FRMD4B: variants seen among roughly 807,000 people sequenced by gnomAD.
FRMD4B encodes the protein FERM domain containing 4B, also known as FERM domain-containing protein 4B.
A neutral mutation model predicts 141.5 loss-of-function variants in FRMD4B; 74 were observed. The observed-to-expected ratio is 0.52, with a 90% CI of 0.43 to 0.63. FRMD4B has a LOEUF of 0.63. FRMD4B is among the 30% of genes least tolerant of loss of function. FRMD4B has a pLI of 0.00. For synonymous variants in FRMD4B, 506 were observed against 467.9 expected (o/e 1.08, Z -1.05); for missense variants, 1,366 against 1,253.4 (o/e 1.09, Z -1.36).
At chr3:69,348,665 C>T (rs1703031370) in intron 1 of FRMD4B, among the ~76,000 whole-genome samples, 1 of 152,190 alleles carries the variant, frequency 6.6e-6, no homozygotes, top group African/African-American at 2.4e-5. Flanking sequence ...CCCCGGGATG[C>T]AAGGCTGGTA....
chr3:69,500,424 C>T (rs1706473406), intron 1 of FRMD4B, among the ~76,000 whole-genome samples: 1 of 152,088 alleles, frequency 6.6e-6, no homozygotes, highest in Non-Finnish European at 1.5e-5. Flanking sequence ...CATCCTTATT[C>T]CTTGACACTT....
At chr3:69,309,946 T>C (rs1414695917) in intron 3 of FRMD4B, among the ~76,000 whole-genome samples, 1 of 152,210 alleles carries the variant, frequency 6.6e-6, no homozygotes, top group Non-Finnish European at 1.5e-5. Context: ...GTGTGCGTGT[T>C]CAATCACTGA....
intron 1 of FRMD4B, among the ~76,000 whole-genome samples, chr3:69,491,016 A>C (rs1210601178): frequency 6.6e-6 from 1 of 152,238 alleles, no homozygotes; most frequent in Non-Finnish European, 1.5e-5. Context: ...CAGAAAAATA[A>C]ATTTCTCTTC....
intron 1 of FRMD4B, among the ~76,000 whole-genome samples, chr3:69,530,858 A>C (rs868064717): frequency 6.6e-6 from 1 of 152,104 alleles, no homozygotes; most frequent in African/African-American, 2.4e-5. Context: ...TGCCTTCAGA[A>C]CTCCACTTAA....
intron 1 of FRMD4B, among the ~76,000 whole-genome samples, chr3:69,456,179 C>T (rs1334469416): frequency 6.6e-6 from 1 of 152,064 alleles, no homozygotes; most frequent in Admixed American, 6.6e-5. Context: ...TTCCTTTCTG[C>T]TTCACAGCCA....
chr3:69,535,871 C>T (rs1028468258), intron 1 of FRMD4B: 3 of 445,684 alleles, frequency 6.7e-6, no homozygotes, highest in Non-Finnish European at 1.4e-5. Flanking sequence ...ACCTTCTGGT[C>T]GAGGAAGCAA....
intron 1 of FRMD4B, among the ~76,000 whole-genome samples, chr3:69,381,677 TATG>T (rs1704124054): frequency 6.6e-6 from 1 of 152,242 alleles, no homozygotes; most frequent in Admixed American, 6.5e-5. Flanking sequence ...GGGGTAATCT[TATG>T]ATAAGCCCCT....
At chr3:69,405,197 C>A (rs1033924064) in intron 2 of FRMD4B, among the ~76,000 whole-genome samples, 2 of 152,166 alleles carry the variant, frequency 1.3e-5, no homozygotes, top group Non-Finnish European at 2.9e-5. Context: ...ACAGTTCATT[C>A]ATTTTCTCTG....
chr3:69,335,508 A>T (rs1298177438), intron 1 of FRMD4B, among the ~76,000 whole-genome samples: 2 of 151,332 alleles, frequency 1.3e-5, no homozygotes, highest in African/African-American at 4.9e-5. Context: ...AGTAGCTGGG[A>T]TTACAGGCAC....
At chr3:69,216,054 TG>T (rs1432380750) in intron 11 of FRMD4B, among the ~76,000 whole-genome samples, 1 of 152,054 alleles carries the variant, frequency 6.6e-6, no homozygotes, top group Admixed American at 6.6e-5. Flanking sequence ...CTTGGGAGGC[TG>T]AGGCAGGAGA....
intron 1 of FRMD4B, among the ~76,000 whole-genome samples, chr3:69,532,653 G>A (rs544539864): frequency 2.0e-5 from 3 of 152,276 alleles, no homozygotes; most frequent in African/African-American, 4.8e-5. Context: ...GACAGAACTC[G>A]GGTTGAGTAT....
rs76456216 is a variant in FRMD4B, at chr3:69,516,878, C to T, written c.-129+25328G>A. ...GAGCTCTAACAGTGTGTTGAACAGT[C>T]ATCTTTTTGCTATATTCCCAAATTT... On this transcript the variant is annotated intron_variant, in intron 1 of 5. Coordinates refer to the FRMD4B transcript ENST00000459638. Among the ~76,000 whole-genome samples the T allele has an allele frequency of 2.6e-5, 4 of 152,280 alleles. No homozygotes were observed. In the East Asian group the frequency reaches 7.7e-4, roughly 29 times the overall value.
chr3:69,442,535 G>C (rs1372291874), intron 1 of FRMD4B, among the ~76,000 whole-genome samples: 1 of 152,006 alleles, frequency 6.6e-6, no homozygotes, highest in Non-Finnish European at 1.5e-5. Context: ...TTCTAACATA[G>C]GTAGTCCAAA....
chr3:69,521,165 G>A (rs575661222), intron 1 of FRMD4B, among the ~76,000 whole-genome samples: 2 of 152,190 alleles, frequency 1.3e-5, no homozygotes, highest in East Asian at 1.9e-4. Flanking sequence ...CTGCATCAGG[G>A]CTGCTGTCCC....
intron 1 of FRMD4B, among the ~76,000 whole-genome samples, chr3:69,369,813 A>C (rs1355675451): frequency 1.3e-5 from 2 of 152,212 alleles, no homozygotes; most frequent in Admixed American, 6.5e-5. Context: ...GAATTCATTT[A>C]AAAATTGGTA....
rs796453101 is a variant in FRMD4B, at chr3:69,472,925, C to CTTTTTTTTTTTTTTTTT, written c.-128-40165_-128-40164insAAAAAAAAAAAAAAAAA. Among the ~76,000 whole-genome samples, 56 of 90,872 alleles carry CTTTTTTTTTTTTTTTTT rather than the reference C, an allele frequency of 6.2e-4. 1 individual carries two copies. Among genetic ancestry groups the CTTTTTTTTTTTTTTTTT allele is most frequent in the Non-Finnish European group, 1.0e-3 (47 of 46,724 alleles). The allele number at this position is 90,872 out of a possible 152,430, so 59.6% of individuals were successfully genotyped here. A position where few individuals can be genotyped will look rare whatever the true frequency, so the allele number is the denominator to read the frequency against. On this transcript the variant is annotated intron_variant, in intron 1 of 5. Transcript: ENST00000459638. ...TATCCAAGGCTTCAAGTGAGTCTTT[C>CTTTTTTTTTTTTTTTTT]TTTTTTTTTTTTCTTTTTTTTTTTT... is the stretch of plus-strand genomic sequence containing the variant.
intron 10 of FRMD4B, 50 bp downstream of exon 10, chr3:69,218,272 T>A: frequency 1.2e-6 from 1 of 863,236 alleles, no homozygotes; most frequent in Non-Finnish European, 1.9e-6. Context: ...GCTGGTATTG[T>A]GCAATAACTC....
Position 69,196,306 on chromosome 3 carries a change from C to T in FRMD4B, c.1183G>A (p.Glu395Lys). 1.2e-6 allele frequency: 2 copies of T among 1,608,648 alleles called. No individual in the cohort carries two copies. Among genetic ancestry groups the T allele is most frequent in the Non-Finnish European group, 1.7e-6 (2 of 1,176,418 alleles). ...TQRASKLVTL[E>K]TKSQFIMASN... ...GCCATGATGAACTGACTTTTCGTCT[C>T]CAGTGTCACCAGCTTGGAGGCCCTT... is the stretch of plus-strand genomic sequence containing the variant. Residue 395 changes from glutamate to lysine, a missense_variant, in exon 14 of 23, where the codon GAG becomes AAG. Physicochemically the swap from Glu to Lys is moderately conservative, Grantham distance 56. Coordinates refer to ENST00000398540, the MANE Select transcript of FRMD4B (RefSeq NM_015123.3).
chr3:69,494,725 C>G (rs1706356944), intron 1 of FRMD4B, among the ~76,000 whole-genome samples: 1 of 152,092 alleles, frequency 6.6e-6, no homozygotes, highest in Non-Finnish European at 1.5e-5. Context: ...AACCCTGTCT[C>G]TACTAAAAAT....
Sources: gnomAD v4.1 joint callset for allele counts (sites outside exome capture counted in the v4.1 genomes callset) on GRCh38, gnomAD v4.1.1 for gene constraint, MANE v1.5 for transcripts, NCBI Gene and HGNC (gene_info 2026-07-23, HGNC 2026-07-21) for gene names.